The following QTGAL variants were observed in gnomAD, a reference collection of about 807,000 sequenced individuals.
QTGAL encodes BGnT-like protein 1.
the QTGAL span, chr17:82,944,747 T>A: frequency 6.6e-6 from 1 of 152,226 alleles, no homozygotes; most frequent in Admixed American, 6.5e-5. Flanking sequence ...ACCCTCCATG[T>A]GAGAGCAGAG....
At chr17:83,031,476 T>C in the QTGAL span, among the ~76,000 whole-genome samples, 472 of 76,160 alleles carry the variant, frequency 6.2e-3, 11 homozygotes, top group African/African-American at 0.012. Context: ...CAGCGACGGC[T>C]GCCCGAGCAC....
the QTGAL span, among the ~76,000 whole-genome samples, chr17:82,974,560 T>C: frequency 4.5e-4 from 68 of 152,292 alleles, no homozygotes; most frequent in Non-Finnish European, 8.1e-4. Context: ...GCCAGCTGCC[T>C]GTTCCCATCC....
chr17:83,010,313 T>G, the QTGAL span, among the ~76,000 whole-genome samples: 9 of 152,154 alleles, frequency 5.9e-5, no homozygotes, highest in East Asian at 1.7e-3. Flanking sequence ...CACCCAGGCC[T>G]GACAGCCCGA....
the QTGAL span, chr17:83,048,766 T>C: frequency 6.2e-7 from 1 of 1,613,918 alleles, no homozygotes; most frequent in Non-Finnish European, 8.5e-7. Flanking sequence ...TTCAGCGTTG[T>C]GGACTGGGAG....
chr17:82,967,043 A>C, the QTGAL span, among the ~76,000 whole-genome samples: 1 of 152,188 alleles, frequency 6.6e-6, no homozygotes, highest in Non-Finnish European at 1.5e-5. Context: ...TAAATTAGTC[A>C]GGTCGTGAAA....
At chr17:83,000,647 T>C in the QTGAL span, among the ~76,000 whole-genome samples, 1 of 152,250 alleles carries the variant, frequency 6.6e-6, no homozygotes, top group Non-Finnish European at 1.5e-5. Context: ...ATCTTTTTGT[T>C]AGTGTTTTCA....
At chr17:82,965,362 G>A in the QTGAL span, among the ~76,000 whole-genome samples, 2 of 152,204 alleles carry the variant, frequency 1.3e-5, no homozygotes, top group Non-Finnish European at 2.9e-5. Context: ...CGCTTTCCCA[G>A]ACACAGCTTT....
At chr17:83,005,536 A>G in the QTGAL span, 1 of 699,946 alleles carries the variant, frequency 1.4e-6, no homozygotes, top group Non-Finnish European at 2.6e-6. The surrounding 1 kb of genome is among the most constrained non-coding windows in gnomAD (Gnocchi z 5.6). Flanking sequence ...CTCAAATCAA[A>G]TGGCCCATAT....
At chr17:83,005,689 T>C in the QTGAL span, 1 of 703,064 alleles carries the variant, frequency 1.4e-6, no homozygotes, top group East Asian at 2.7e-5. The surrounding 1 kb of genome is among the most constrained non-coding windows in gnomAD (Gnocchi z 5.6). Context: ...GAGAAGAGCC[T>C]TGCTACCAGC....
At chr17:83,028,507 A>G in the QTGAL span, among the ~76,000 whole-genome samples, 427 of 145,660 alleles carry the variant, frequency 2.9e-3, 5 homozygotes, top group African/African-American at 0.01. Context: ...CCTGGGCGAC[A>G]GCGAGACTCC....
the QTGAL span, chr17:83,005,610 C>A: frequency 1.4e-6 from 1 of 702,766 alleles, no homozygotes; most frequent in Non-Finnish European, 2.6e-6. The surrounding 1 kb of genome is among the most constrained non-coding windows in gnomAD (Gnocchi z 5.6). Context: ...GTGAGGAAAC[C>A]GCTGCCTGTC....
the QTGAL span, among the ~76,000 whole-genome samples, chr17:83,016,620 G>T: frequency 1.4e-5 from 2 of 145,964 alleles, no homozygotes; most frequent in African/African-American, 2.6e-5. Flanking sequence ...GGAGGGGGGA[G>T]GAGGGAGGAG....
chr17:82,990,407 A>ACTCGCCAT, the QTGAL span, among the ~76,000 whole-genome samples: 1 of 152,214 alleles, frequency 6.6e-6, no homozygotes, highest in South Asian at 2.1e-4. Context: ...CAGGCAAGAG[A>ACTCGCCAT]CTCGCCATCG....
chr17:83,048,651 C>G, the QTGAL span: 1 of 1,609,418 alleles, frequency 6.2e-7, no homozygotes, highest in East Asian at 2.2e-5. Context: ...AGTCACCCGA[C>G]AGGAAGTTCC....
At chr17:83,029,823 C>T in the QTGAL span, among the ~76,000 whole-genome samples, 28 of 152,330 alleles carry the variant, frequency 1.8e-4, no homozygotes, top group Admixed American at 9.8e-4. Context: ...CCCTCTCCAG[C>T]GCAAGCACCA....
the QTGAL span, among the ~76,000 whole-genome samples, chr17:83,049,587 G>A: frequency 9.9e-5 from 15 of 151,964 alleles, no homozygotes; most frequent in South Asian, 1.9e-3. Context: ...GGTGGAATAA[G>A]CATTTCGGCA....
chr17:83,029,582 G>A, the QTGAL span, among the ~76,000 whole-genome samples: 8 of 152,162 alleles, frequency 5.3e-5, no homozygotes, highest in Non-Finnish European at 8.8e-5. Context: ...AAATACAGGT[G>A]TGGAGTCCTA....
the QTGAL span, among the ~76,000 whole-genome samples, chr17:82,979,021 AGAG>A: frequency 6.6e-6 from 1 of 152,236 alleles, no homozygotes; most frequent in Non-Finnish European, 1.5e-5. Flanking sequence ...TTACATTAAA[AGAG>A]AAGAGAGGTC....
At chr17:83,017,340 T>C in the QTGAL span, among the ~76,000 whole-genome samples, 9 of 152,172 alleles carry the variant, frequency 5.9e-5, no homozygotes, top group Non-Finnish European at 1.2e-4. Flanking sequence ...AAGACTTTTA[T>C]GGCCAGGCGC....
Sources: allele counts gnomAD v4.1 joint callset (sites outside exome capture counted in the v4.1 genomes callset), GRCh38; gene constraint gnomAD v4.1.1; non-coding constraint Gnocchi (gnomAD v3.1); transcripts MANE v1.5; gene names NCBI Gene and HGNC (gene_info 2026-07-23, HGNC 2026-07-21).